ST3GAL4: variants seen among roughly 807,000 people sequenced by gnomAD.
The protein encoded by ST3GAL4 is ST3 beta-galactoside alpha-2,3-sialyltransferase 4, also known as CMP-N-acetylneuraminate-beta-galactosamide-alpha-2,3-sialyltransferase 4.
ST3GAL4 carries 24 observed loss-of-function variants against 42.6 expected under a neutral mutation model. The ratio of observed to expected loss-of-function variants is 0.56; its 90% CI spans 0.41 to 0.79. The LOEUF (loss-of-function observed/expected upper bound fraction) is 0.79. Ranked by LOEUF, ST3GAL4 falls within the 30% of genes least tolerant of loss-of-function variation. The pLI, the probability that ST3GAL4 is intolerant of heterozygous loss-of-function variation, is 0.00. For synonymous variants in ST3GAL4, 135 were observed against 163.2 expected (o/e 0.83, Z 1.32); for missense variants, 311 against 430.8 (o/e 0.72, Z 2.46).
At chr11:126,369,772 G>T (rs1473690220) in intron 1 of ST3GAL4, among the ~76,000 whole-genome samples, 1 of 152,082 alleles carries the variant, frequency 6.6e-6, no homozygotes, top group Non-Finnish European at 1.5e-5. Context: ...AGTACAAATG[G>T]GAATATGAGA....
intron 1 of ST3GAL4, among the ~76,000 whole-genome samples, chr11:126,381,069 C>T (rs1479968111): frequency 4.6e-5 from 7 of 152,226 alleles, no homozygotes; most frequent in Non-Finnish European, 8.8e-5. Flanking sequence ...CACAGCCCCT[C>T]CCCAACCCGG....
chr11:126,358,434 C>T, intron 1 of ST3GAL4: 1 of 453,622 alleles, frequency 2.2e-6, no homozygotes, highest in Non-Finnish European at 4.4e-6. Flanking sequence ...TATGAGTGTC[C>T]TGAGTGGCCC....
In ST3GAL4 at chr11:126,402,777, C is replaced by T. The variant is rs532430168; in HGVS notation, c.-60-3319C>T. Among the ~76,000 whole-genome samples, 19 of 152,310 alleles carry T rather than the reference C, an allele frequency of 1.2e-4. 1 individual carries two copies. The South Asian group carries it at 3.7e-3, about 30-fold the overall frequency. On this transcript the variant is annotated intron_variant, in intron 1 of 10. Transcript: ENST00000444328. ...CCTCCACTGGGCCTTATTTCTTCAC[C>T]TTGTCCCCCAGTTCTGCCCTTGGGT... is the stretch of plus-strand genomic sequence containing the variant.
rs1157607495 is a variant in ST3GAL4 at position 126,406,110 on chromosome 11, C to T, written c.-46C>T. Reference sequence around the variant, plus strand: ...TTATTTCCTAGGTGGCCCGAGGCAGCCGGGATGACAGCTCTCCCCAGGAAT... The same window carrying T: ...TTATTTCCTAGGTGGCCCGAGGCAGTCGGGATGACAGCTCTCCCCAGGAAT... On this transcript the variant is annotated 5_prime_UTR_variant, in exon 2 of 11. Transcript: ENST00000444328. This position sits in a 1 kb window ranked among gnomAD's most constrained non-coding sequence, Gnocchi z 5.4. 1.3e-6 allele frequency: 2 copies of T among 1,551,834 alleles called. No individual in the cohort carries two copies.
intron 1 of ST3GAL4, among the ~76,000 whole-genome samples, chr11:126,388,885 C>G (rs1430047195): frequency 1.4e-5 from 2 of 144,662 alleles, no homozygotes; most frequent in East Asian, 4.4e-4. Context: ...TCAGGCAATT[C>G]TCCAGCCTCA....
chr11:126,407,424 G>A, intron 5 of ST3GAL4, 75 bp downstream of exon 5: 1 of 1,569,358 alleles, frequency 6.4e-7, no homozygotes, highest in South Asian at 1.1e-5. Flanking sequence ...GCCGTCCACG[G>A]CCCCAGTGCC....
At chr11:126,381,918 A>G (rs1246563459) in intron 1 of ST3GAL4, among the ~76,000 whole-genome samples, 9 of 151,016 alleles carry the variant, frequency 6.0e-5, no homozygotes, top group African/African-American at 2.0e-4. Flanking sequence ...TGTGCTCAGG[A>G]GGGCAGAATA....
intron 1 of ST3GAL4, among the ~76,000 whole-genome samples, chr11:126,372,418 CT>C (rs576229954): frequency 5.4e-4 from 77 of 143,222 alleles, no homozygotes; most frequent in Non-Finnish European, 5.2e-4. Context: ...CTTTTCTTTT[CT>C]TTTTTTTTTT....
intron 1 of ST3GAL4, among the ~76,000 whole-genome samples, chr11:126,401,466 C>G (rs563521266): frequency 7.7e-4 from 117 of 151,170 alleles, no homozygotes; most frequent in Admixed American, 1.9e-3. Flanking sequence ...ACTAGGGAGG[C>G]ACAAGAATCA....
At position 126,414,003 on chromosome 11, in the gene ST3GAL4, C is replaced by T. The variant is rs767229905; in HGVS notation, c.958C>T (p.Arg320Trp). Residue 320 changes from arginine to tryptophan, a missense_variant, in exon 11 of 11, where the codon CGG becomes TGG. Transcript: ENST00000444328. ...NVSQEALAIKRMLEMGAIKNL... is the reference protein window; with the variant it reads ...NVSQEALAIKWMLEMGAIKNL... Reference sequence around the variant, plus strand: ...CTCCCAAGAGGCCCTGGCCATTAAGCGGATGCTGGAGATGGGAGCTATCAA... The same window carrying T: ...CTCCCAAGAGGCCCTGGCCATTAAGTGGATGCTGGAGATGGGAGCTATCAA... 8.1e-6 allele frequency: 13 copies of T among 1,614,132 alleles called. No homozygotes were observed. Among genetic ancestry groups the T allele is most frequent in the Admixed American group, 6.7e-5 (4 of 60,014 alleles).
In ST3GAL4 at chr11:126,414,339, TTTAA is replaced by T; in HGVS notation, c.*297_*300del. On this transcript the variant is annotated 3_prime_UTR_variant, in exon 11 of 11. Coordinates refer to ENST00000444328, the MANE Select transcript of ST3GAL4 (RefSeq NM_001254757.2). ...CACCAAGAGATTATTTAATGGGCTA[TTTAA>T]TTAAGGGGTAGGAAGGTGCTGTGGG... The T allele has an allele frequency of 2.2e-6, 1 of 459,276 alleles. No homozygotes were observed. The highest frequency in any genetic ancestry group is 2.5e-5 in the South Asian group (1 of 40,674). The allele number at this position is 459,276 out of a possible 1,614,324, so 28.5% of individuals were successfully genotyped here. A position where few individuals can be genotyped will look rare whatever the true frequency, so the allele number is the denominator to read the frequency against.
chr11:126,409,341 C>T lies in ST3GAL4; in HGVS notation c.701C>T (p.Pro234Leu). The T allele has an allele frequency of 6.2e-7, 1 of 1,614,226 alleles. No individual in the cohort carries two copies. The highest frequency in any genetic ancestry group is 8.5e-7 in the Non-Finnish European group (1 of 1,180,042). ...VNPKQIRILN[P>L]FFMEIAADKL... Reference sequence around the variant, plus strand: ...CCTAAACAGATTCGGATTCTCAACCCCTTCTTCATGGAGATTGCAGCTGAC... The same window carrying T: ...CCTAAACAGATTCGGATTCTCAACCTCTTCTTCATGGAGATTGCAGCTGAC... Residue 234 changes from proline to leucine, a missense_variant, in exon 9 of 11, where the codon CCC (proline) becomes CTC (leucine). Physicochemically the swap from Pro to Leu is moderately conservative, Grantham distance 98. Coordinates refer to ENST00000444328, the MANE Select transcript of ST3GAL4 (RefSeq NM_001254757.2). This position sits in a 1 kb window ranked among gnomAD's most constrained non-coding sequence, Gnocchi z 4.9.
intron 1 of ST3GAL4, among the ~76,000 whole-genome samples, chr11:126,402,632 C>T (rs1954056843): frequency 6.6e-6 from 1 of 152,168 alleles, no homozygotes; most frequent in Non-Finnish European, 1.5e-5. Context: ...AGGGGCTGGG[C>T]ATCATACTGT....
intron 10 of ST3GAL4, 146 bp downstream of exon 10, chr11:126,413,794 A>T: frequency 7.1e-7 from 1 of 1,417,176 alleles, no homozygotes; most frequent in Non-Finnish European, 9.6e-7. Context: ...CTCCCTGGCC[A>T]GCATCCTCCA....
rs1953520018 is a variant in ST3GAL4, at chr11:126,391,714, T to G, written c.-60-14382T>G. Among the ~76,000 whole-genome samples, 1 of 152,092 alleles carries G rather than the reference T, an allele frequency of 6.6e-6. No homozygotes were observed. Among genetic ancestry groups the G allele is most frequent in the Non-Finnish European group, 1.5e-5 (1 of 68,020 alleles). On this transcript the variant is annotated intron_variant, in intron 1 of 10. Transcript: ENST00000444328. This position sits in a 1 kb window ranked among gnomAD's most constrained non-coding sequence, Gnocchi z 5.5. Reference sequence around the variant, plus strand: ...AGCCAGGAGGAGAGCTGAGTGTGATTGGGGTCGTGGTGGGGCCAGTGGCAG... The same window carrying G: ...AGCCAGGAGGAGAGCTGAGTGTGATGGGGGTCGTGGTGGGGCCAGTGGCAG...
At chr11:126,364,387 G>A in intron 1 of ST3GAL4, among the ~76,000 whole-genome samples, 1 of 145,168 alleles carries the variant, frequency 6.9e-6, no homozygotes, top group Non-Finnish European at 1.5e-5. Flanking sequence ...GGAAGTGCTG[G>A]TCTTGACCTC....
chr11:126,399,301 C>CTTTTTTTTTTTTT (rs58479155), intron 1 of ST3GAL4, among the ~76,000 whole-genome samples: 4 of 87,736 alleles, frequency 4.6e-5, no homozygotes, highest in African/African-American at 4.5e-5. Context: ...TTCTTTCCTT[C>CTTTTTTTTTTTTT]TTTTTTTTTT....
intron 1 of ST3GAL4, among the ~76,000 whole-genome samples, chr11:126,369,753 C>T (rs1295827514): frequency 6.6e-6 from 1 of 152,112 alleles, no homozygotes; most frequent in Non-Finnish European, 1.5e-5. Context: ...CAGTTTGAAA[C>T]AGTTAAGCAG....
chr11:126,368,962 A>G (rs1217857226), intron 1 of ST3GAL4, among the ~76,000 whole-genome samples: 1 of 152,060 alleles, frequency 6.6e-6, no homozygotes, highest in Non-Finnish European at 1.5e-5. Flanking sequence ...ACCAGAGCAT[A>G]CAGTTTGGCA....
Sources: allele counts gnomAD v4.1 joint callset (sites outside exome capture counted in the v4.1 genomes callset), GRCh38; gene constraint gnomAD v4.1.1; non-coding constraint Gnocchi (gnomAD v3.1); transcripts MANE v1.5; gene names NCBI Gene and HGNC (gene_info 2026-07-23, HGNC 2026-07-21).